The following ROBO2 variants were observed in gnomAD, a reference collection of about 807,000 sequenced individuals.
ROBO2 encodes roundabout homolog 2.
Under a neutral mutation model 160.8 loss-of-function variants are expected in ROBO2, and 53 were observed. The observed-to-expected ratio is 0.33, with a 90% confidence interval of 0.26 to 0.41. The LOEUF (loss-of-function observed/expected upper bound fraction) is 0.41. ROBO2 is among the 10% of genes least tolerant of loss of function. The pLI, the probability that ROBO2 is intolerant of heterozygous loss-of-function variation, is 1.00. For missense variants in ROBO2, 1,577 were observed against 1,722.4 expected, an observed-to-expected ratio of 0.92 and a Z score of 1.49; for synonymous variants, 664 against 611.7, an observed-to-expected ratio of 1.09 and a Z score of -1.26.
chr3:76,870,158 T>A (rs1283269115), intron 2 of ROBO2, among the ~76,000 whole-genome samples: 1 of 152,214 alleles, frequency 6.6e-6, no homozygotes, highest in Non-Finnish European at 1.5e-5. Context: ...ACTTTGGCTG[T>A]GCTGTGAGTT....
intron 2 of ROBO2, among the ~76,000 whole-genome samples, chr3:76,511,510 A>G (rs1401235750): frequency 1.3e-5 from 2 of 152,216 alleles, no homozygotes; most frequent in South Asian, 4.1e-4. Flanking sequence ...TTATTAATAC[A>G]ACCATGTGAC....
intron 2 of ROBO2, among the ~76,000 whole-genome samples, chr3:76,998,351 A>T: frequency 6.6e-6 from 1 of 152,176 alleles, no homozygotes; most frequent in East Asian, 1.9e-4. Context: ...AACCCAAGAA[A>T]GAGAGGGAGA....
At chr3:77,265,095 A>G (rs1485405910) in intron 2 of ROBO2, among the ~76,000 whole-genome samples, 2 of 152,088 alleles carry the variant, frequency 1.3e-5, no homozygotes, top group South Asian at 4.1e-4. Flanking sequence ...TCAGAAACCA[A>G]TTTCTTCTAA....
intron 1 of ROBO2, among the ~76,000 whole-genome samples, chr3:75,928,219 C>T (rs1392521954): frequency 1.3e-5 from 2 of 151,982 alleles, no homozygotes; most frequent in Admixed American, 6.6e-5. Flanking sequence ...CTCCTGACCT[C>T]GTGATCCACA....
chr3:77,387,985 A>G (rs1413030167), intron 2 of ROBO2, among the ~76,000 whole-genome samples: 2 of 152,128 alleles, frequency 1.3e-5, no homozygotes, highest in Non-Finnish European at 2.9e-5. Flanking sequence ...CCTTGGCAAA[A>G]TAAACTTCCA....
chr3:77,278,917 C>T lies in ROBO2; in HGVS notation c.388+180577C>T, dbSNP rs1262899370. Among the ~76,000 whole-genome samples, 3 of 152,028 alleles carry T rather than the reference C, an allele frequency of 2.0e-5. 1 individual carries two copies. The highest frequency in any genetic ancestry group is 3.9e-4 in the East Asian group (2 of 5,188). ...TTTTGAAACTAACAATTGTTCTAATCGTAATCATGGTAACAGCTGGCATTA... is the reference window on the plus strand; with the variant it reads ...TTTTGAAACTAACAATTGTTCTAATTGTAATCATGGTAACAGCTGGCATTA... On this transcript the variant is annotated intron_variant, in intron 2 of 25. Coordinates refer to ENST00000461745, the Ensembl canonical transcript of ROBO2.
chr3:75,964,516 C>T (rs1424378989), intron 2 of ROBO2, among the ~76,000 whole-genome samples: 2 of 151,340 alleles, frequency 1.3e-5, no homozygotes, highest in African/African-American at 4.8e-5. Context: ...AAGTTTTTTT[C>T]TGCTAAATTA....
chr3:77,546,471 G>T lies in ROBO2; in HGVS notation c.1059+9G>T. ...AGAAAGAAGGCAGCCAGGTGAGTGT[G>T]AGGCTTCACTGCTTTTCTGAAATCT... On this transcript the variant is annotated intron_variant, in intron 7 of 25. Coordinates refer to ENST00000461745, the Ensembl canonical transcript of ROBO2. 2 of 1,612,886 alleles carry T rather than the reference G, an allele frequency of 1.2e-6. No individual in the cohort carries two copies. Among genetic ancestry groups the T allele is most frequent in the Non-Finnish European group, 1.7e-6 (2 of 1,179,078 alleles).
At chr3:77,247,169 T>G (rs1366648935) in intron 2 of ROBO2, among the ~76,000 whole-genome samples, 1 of 152,206 alleles carries the variant, frequency 6.6e-6, no homozygotes, top group Non-Finnish European at 1.5e-5. Flanking sequence ...GTTTTAAGTT[T>G]TCCATGCTAA....
intron 20 of ROBO2, among the ~76,000 whole-genome samples, chr3:77,605,595 G>C (rs1319507763): frequency 6.6e-6 from 1 of 152,152 alleles, no homozygotes; most frequent in African/African-American, 2.4e-5. Context: ...TTTTAAATCT[G>C]TTTGGAAGAG....
intron 8 of ROBO2, among the ~76,000 whole-genome samples, chr3:77,551,264 C>G (rs2092911035): frequency 6.6e-6 from 1 of 151,906 alleles, no homozygotes; most frequent in South Asian, 2.1e-4. Context: ...TCACTGCATA[C>G]TGAAATGTAA....
chr3:76,381,242 G>A (rs2076606758), intron 2 of ROBO2, among the ~76,000 whole-genome samples: 1 of 152,124 alleles, frequency 6.6e-6, no homozygotes, highest in Non-Finnish European at 1.5e-5. Context: ...GTTGGTTACT[G>A]AGCTCAGCCT....
chr3:77,615,684 C>T (rs561850116), intron 21 of ROBO2, among the ~76,000 whole-genome samples: 24 of 152,184 alleles, frequency 1.6e-4, no homozygotes, highest in Non-Finnish European at 3.2e-4. Context: ...TTTTTAGCAA[C>T]GAATAATATT....
At chr3:77,572,636 AACACACAC>A (rs71104692) in intron 13 of ROBO2, among the ~76,000 whole-genome samples, 4 of 146,298 alleles carry the variant, frequency 2.7e-5, no homozygotes, top group African/African-American at 1.0e-4. Flanking sequence ...CGTACATAGA[AACACACAC>A]ACACACACAC....
intron 2 of ROBO2, among the ~76,000 whole-genome samples, chr3:76,694,364 G>A (rs1411313015): frequency 1.3e-5 from 2 of 152,062 alleles, no homozygotes; most frequent in African/African-American, 4.8e-5. Context: ...CACTTCCTAC[G>A]ATCCAATAGC....
At chr3:77,038,757 T>G (rs904092985), upstream of ROBO2, among the ~76,000 whole-genome samples, 1 of 152,212 alleles carries the variant, frequency 6.6e-6, no homozygotes, top group Non-Finnish European at 1.5e-5. Flanking sequence ...TAACGTGACC[T>G]TCCTTCATCA....
chr3:76,857,014 C>G (rs930656127), intron 2 of ROBO2, among the ~76,000 whole-genome samples: 6 of 152,224 alleles, frequency 3.9e-5, no homozygotes, highest in Admixed American at 3.3e-4. Flanking sequence ...GAGACGGAGT[C>G]TTGCTCTGTT....
intron 2 of ROBO2, among the ~76,000 whole-genome samples, chr3:75,950,363 A>C (rs1270155519): frequency 2.0e-5 from 3 of 152,140 alleles, no homozygotes; most frequent in Non-Finnish European, 4.4e-5. Flanking sequence ...CACCTTTGTT[A>C]AGGAACTGAA....
chr3:76,434,927 A>G (rs2076600921), intron 2 of ROBO2: 1 of 1,600,130 alleles, frequency 6.2e-7, no homozygotes, highest in Non-Finnish European at 8.6e-7. Flanking sequence ...AAACCAGCCC[A>G]TCCCCCAAAC....
Sources: gnomAD v4.1 joint callset for allele counts (sites outside exome capture counted in the v4.1 genomes callset) on GRCh38, gnomAD v4.1.1 for gene constraint, MANE v1.5 for transcripts, NCBI Gene and HGNC (gene_info 2026-07-23, HGNC 2026-07-21) for gene names.